Variants in MYO5B observed in about 807,000 individuals in gnomAD.
MYO5B encodes unconventional myosin-Vb.
In MYO5B, 143 loss-of-function variants were observed where a neutral mutation model predicts 229.3. The observed-to-expected ratio is 0.62, with a 90% CI of 0.54 to 0.72. The LOEUF (loss-of-function observed/expected upper bound fraction) is 0.72. Among genes scored for constraint, MYO5B ranks in the 30% least tolerant of loss-of-function variants. MYO5B has a pLI of 0.00. For synonymous variants in MYO5B, 918 were observed against 885.2 expected, an observed-to-expected ratio of 1.04 and a Z score of -0.66; for missense variants, 2,321 against 2,331.0, an observed-to-expected ratio of 1.00 and a Z score of 0.09.
chr18:49,956,384 G>C (rs1180939926), intron 12 of MYO5B, among the ~76,000 whole-genome samples: 2 of 152,230 alleles, frequency 1.3e-5, no homozygotes, highest in African/African-American at 4.8e-5. Context: ...TAATGGGGAA[G>C]TATCAGGTTG....
At chr18:49,900,486 T>C (rs1164177752) in intron 21 of MYO5B, among the ~76,000 whole-genome samples, 1 of 152,218 alleles carries the variant, frequency 6.6e-6, no homozygotes, top group Non-Finnish European at 1.5e-5. Context: ...CAGTCTCTTC[T>C]CAGAAAGCCT....
intron 5 of MYO5B, 79 bp from the exon 6 acceptor site, chr18:49,992,510 T>C (rs1349720170): frequency 1.3e-6 from 2 of 1,593,826 alleles, no homozygotes. Flanking sequence ...TGTGGCAGCA[T>C]GTGTCCCCTT....
At position 50,040,323 on chromosome 18, in the gene MYO5B, A is replaced by G; in HGVS notation, c.139-9T>C. ...ATTGGGTATTCCAGAATCTAAAGAC[A>G]TGCAAGTAGCAGACACAAAAAGGTG... is the stretch of plus-strand genomic sequence containing the variant. On this transcript the variant is annotated splice_polypyrimidine_tract_variant and intron_variant, in intron 2 of 39. Coordinates refer to ENST00000285039, the MANE Select transcript of MYO5B (RefSeq NM_001080467.3). 1.2e-6 allele frequency: 2 copies of G among 1,613,898 alleles called. No individual in the cohort carries two copies. Among genetic ancestry groups the G allele is most frequent in the Non-Finnish European group, 1.7e-6 (2 of 1,179,754 alleles).
intron 1 of MYO5B, among the ~76,000 whole-genome samples, chr18:50,173,875 A>C (rs2032955531): frequency 6.6e-6 from 1 of 152,196 alleles, no homozygotes; most frequent in Non-Finnish European, 1.5e-5. Flanking sequence ...GCATGATGGC[A>C]AATGTTGTGT....
rs540400209 is a variant in MYO5B at position 49,895,419 on chromosome 18, G to A, written c.2812-245C>T. Among the ~76,000 whole-genome samples the A allele has an allele frequency of 7.2e-5, 11 of 152,256 alleles. No homozygotes were observed. In the East Asian group the frequency reaches 1.7e-3, roughly 24 times the overall value. On this transcript the variant is annotated intron_variant, in intron 21 of 39. Coordinates refer to ENST00000285039, the MANE Select transcript of MYO5B (RefSeq NM_001080467.3). Reference sequence around the variant, plus strand: ...CATTCAAAGAGCTCAAGGAGCTTTCGTGAGCATGTGCAGAGCTGGAAGCTG... The same window carrying A: ...CATTCAAAGAGCTCAAGGAGCTTTCATGAGCATGTGCAGAGCTGGAAGCTG...
chr18:50,053,180 T>G (rs1295114791), intron 2 of MYO5B, among the ~76,000 whole-genome samples: 1 of 152,184 alleles, frequency 6.6e-6, no homozygotes, highest in Non-Finnish European at 1.5e-5. Flanking sequence ...GACAAGCCAC[T>G]GCCCATGAGC....
chr18:50,003,201 T>A (rs1160449548), intron 4 of MYO5B, among the ~76,000 whole-genome samples: 1 of 152,176 alleles, frequency 6.6e-6, no homozygotes, highest in Non-Finnish European at 1.5e-5. Context: ...CGGTTAGCAA[T>A]GGGGATGGAC....
chr18:50,146,719 G>A (rs911897438), intron 1 of MYO5B, among the ~76,000 whole-genome samples: 1 of 152,182 alleles, frequency 6.6e-6, no homozygotes, highest in Non-Finnish European at 1.5e-5. Context: ...TGTATTTTGC[G>A]ATCTCTTTAG....
chr18:50,158,352 T>G (rs973145350), intron 1 of MYO5B, among the ~76,000 whole-genome samples: 2 of 152,194 alleles, frequency 1.3e-5, no homozygotes, highest in South Asian at 4.1e-4. Flanking sequence ...CCAACGCCAC[T>G]CTTTCATATA....
intron 1 of MYO5B, among the ~76,000 whole-genome samples, chr18:50,136,707 A>G (rs1555662354): frequency 6.6e-6 from 1 of 152,212 alleles, no homozygotes; most frequent in Non-Finnish European, 1.5e-5. Flanking sequence ...TAACCCTGCC[A>G]CTTAGTGGCT....
At chr18:50,139,104 C>T (rs1303467951) in intron 1 of MYO5B, among the ~76,000 whole-genome samples, 1 of 152,232 alleles carries the variant, frequency 6.6e-6, no homozygotes, top group Non-Finnish European at 1.5e-5. Context: ...TTTAGGCAGA[C>T]CAGGGCCAGG....
chr18:49,889,593 T>C (rs1787304), intron 22 of MYO5B, among the ~76,000 whole-genome samples: 88,344 of 151,990 alleles, frequency 0.58, 25,822 homozygotes, highest in Middle Eastern at 0.67. Flanking sequence ...ACTTTGCTTC[T>C]CCTTAACATT....
intron 4 of MYO5B, among the ~76,000 whole-genome samples, chr18:50,025,687 C>T (rs1439878352): frequency 6.6e-6 from 1 of 152,164 alleles, no homozygotes; most frequent in African/African-American, 2.4e-5. Context: ...GGGACAATGG[C>T]CTGCACTCTC....
At chr18:49,990,548 T>C in intron 6 of MYO5B, 28 bp from the exon 7 acceptor site, 3 of 1,588,686 alleles carry the variant, frequency 1.9e-6, no homozygotes, top group Non-Finnish European at 2.6e-6. Flanking sequence ...GAAGCAGTTT[T>C]AGGGCAGTGA....
At chr18:49,874,491 A>G (rs530578602) in intron 26 of MYO5B, among the ~76,000 whole-genome samples, 9 of 152,336 alleles carry the variant, frequency 5.9e-5, no homozygotes, top group Non-Finnish European at 1.0e-4. Context: ...TCCATTCTGA[A>G]TCAAGTCCAC....
At chr18:49,834,993 C>T (rs2023970675) in intron 39 of MYO5B, among the ~76,000 whole-genome samples, 1 of 152,162 alleles carries the variant, frequency 6.6e-6, no homozygotes, top group East Asian at 1.9e-4. Flanking sequence ...CTTTAAAGAA[C>T]ATTTCTTAGT....
intron 10 of MYO5B, among the ~76,000 whole-genome samples, chr18:49,973,959 T>C (rs75502877): frequency 0.017 from 2,595 of 152,268 alleles, 88 homozygotes; most frequent in African/African-American, 0.06. Context: ...TAGATTGAAA[T>C]AAAACATTAC....
At chr18:50,009,182 A>C (rs1195908501) in intron 4 of MYO5B, among the ~76,000 whole-genome samples, 1 of 152,184 alleles carries the variant, frequency 6.6e-6, no homozygotes, top group Non-Finnish European at 1.5e-5. Context: ...GTTTGAGACC[A>C]GCCTGGCCAA....
At chr18:50,134,969 T>C (rs2032313513) in intron 1 of MYO5B, among the ~76,000 whole-genome samples, 1 of 152,204 alleles carries the variant, frequency 6.6e-6, no homozygotes, top group African/African-American at 2.4e-5. Context: ...ATTAAGTTCC[T>C]CAACTGTTTG....
Sources: gnomAD v4.1 joint callset for allele counts (sites outside exome capture counted in the v4.1 genomes callset) on GRCh38, gnomAD v4.1.1 for gene constraint, MANE v1.5 for transcripts, NCBI Gene and HGNC (gene_info 2026-07-23, HGNC 2026-07-21) for gene names.